ZCCHC17: variants seen among roughly 807,000 people sequenced by gnomAD.
ZCCHC17 encodes zinc finger CCHC-type containing 17, also known as zinc finger CCHC domain-containing protein 17.
ZCCHC17 carries 18 observed loss-of-function variants against 30.6 expected under a neutral mutation model. That is an observed-to-expected ratio of 0.59 (90% confidence interval 0.41 to 0.87). The LOEUF is 0.87. Ranked by LOEUF, ZCCHC17 falls within the 40% of genes least tolerant of loss-of-function variation. The probability of loss-of-function intolerance (pLI) is 0.00; values close to 1 mark genes in which losing one functional copy is unlikely to be tolerated. For synonymous variants in ZCCHC17, 88 were observed against 92.4 expected, an observed-to-expected ratio of 0.95 and a Z score of 0.27; for missense variants, 263 against 284.2, an observed-to-expected ratio of 0.93 and a Z score of 0.54.
rs1640068148 is a variant in ZCCHC17, at chr1:31,364,763, A to G, written c.*570A>G. The G allele has an allele frequency of 6.5e-6, 1 of 153,270 alleles. No individual in the cohort carries two copies. The highest frequency in any genetic ancestry group is 2.1e-4 in the South Asian group (1 of 4,868). The allele number at this position is 153,270 out of a possible 1,614,324, so 9.5% of individuals were successfully genotyped here. A position where few individuals can be genotyped will look rare whatever the true frequency, so the allele number is the denominator to read the frequency against. ...TGGCATCCAGCGGCCACAGCTAGAA[A>G]ACAGTCTGCAGTGTGACTTAACTTG... On this transcript the variant is annotated 3_prime_UTR_variant, in exon 8 of 8. Transcript: ENST00000344147.
chr1:31,314,192 G>A (rs1646675601), intron 2 of ZCCHC17, among the ~76,000 whole-genome samples: 1 of 152,116 alleles, frequency 6.6e-6, no homozygotes, highest in Admixed American at 6.6e-5. Context: ...ATGAGATGGA[G>A]CTTGAATTAG....
intron 2 of ZCCHC17, among the ~76,000 whole-genome samples, chr1:31,313,085 T>C (rs1646645602): frequency 6.8e-6 from 1 of 146,156 alleles, no homozygotes; most frequent in African/African-American, 2.5e-5. Context: ...TTTTTTTTTT[T>C]TTTCTTTTTT....
intron 7 of ZCCHC17, among the ~76,000 whole-genome samples, chr1:31,360,882 G>A (rs1277363284): frequency 6.6e-6 from 1 of 152,142 alleles, no homozygotes; most frequent in Admixed American, 6.5e-5. Context: ...GACTATTATT[G>A]TAAGATAAGG....
chr1:31,307,312 C>G (rs1016245229), intron 1 of ZCCHC17, among the ~76,000 whole-genome samples: 3 of 151,958 alleles, frequency 2.0e-5, no homozygotes, highest in Non-Finnish European at 4.4e-5. Context: ...GGCCACTGTT[C>G]TACAAGAGGT....
At chr1:31,314,903 G>A (rs1487098181) in intron 2 of ZCCHC17, among the ~76,000 whole-genome samples, 1 of 152,192 alleles carries the variant, frequency 6.6e-6, no homozygotes, top group East Asian at 1.9e-4. Context: ...CTGACCTCAA[G>A]TGATCCATCT....
chr1:31,362,737 A>G (rs969206684), intron 7 of ZCCHC17, among the ~76,000 whole-genome samples: 1 of 152,208 alleles, frequency 6.6e-6, no homozygotes, highest in Non-Finnish European at 1.5e-5. Flanking sequence ...TTTTACTCCT[A>G]TTCTTTGACC....
chr1:31,339,960 CTTTTTTTTT>C (rs36008834), intron 5 of ZCCHC17, among the ~76,000 whole-genome samples: 1,889 of 90,500 alleles, frequency 0.021, 152 homozygotes, highest in Admixed American at 0.2. Flanking sequence ...TCTTGGATTT[CTTTTTTTTT>C]TTTTTTTTTT....
intron 5 of ZCCHC17, among the ~76,000 whole-genome samples, chr1:31,340,742 T>C (rs571097586): frequency 2.0e-5 from 3 of 152,366 alleles, no homozygotes; most frequent in East Asian, 1.9e-4. Context: ...GTTTGTCTTA[T>C]GTTAATTAGG....
chr1:31,298,741 A>C (rs1646234922), intron 1 of ZCCHC17, among the ~76,000 whole-genome samples: 1 of 152,216 alleles, frequency 6.6e-6, no homozygotes, highest in East Asian at 1.9e-4. Context: ...ATGACATCCA[A>C]GAGGCAGTTT....
At chr1:31,325,067 G>A (rs1388176545) in intron 3 of ZCCHC17, among the ~76,000 whole-genome samples, 4 of 152,176 alleles carry the variant, frequency 2.6e-5, no homozygotes, top group African/African-American at 9.6e-5. Flanking sequence ...ACTTGCCTGT[G>A]GAAATGGGTT....
intron 7 of ZCCHC17, among the ~76,000 whole-genome samples, chr1:31,349,621 C>A (rs963308017): frequency 6.6e-6 from 1 of 152,168 alleles, no homozygotes; most frequent in East Asian, 1.9e-4. Context: ...GCATGAGCCA[C>A]GACACCCGTC....
intron 1 of ZCCHC17, among the ~76,000 whole-genome samples, chr1:31,303,117 C>G (rs564557291): frequency 1.0e-4 from 15 of 146,868 alleles, no homozygotes; most frequent in African/African-American, 3.3e-4. Context: ...TCTCTACCCC[C>G]CCTCAAAAAA....
Position 31,319,166 on chromosome 1 carries a change from G to A in ZCCHC17, c.124G>A (p.Gly42Ser). ...CAAAATCCCAGGCTGTCGGAAGCAA[G>A]GTAGGAGTTTATAACTTGAAATTCA... ...FIKIPGCRKQ[G>S]LVHRTHMSSC... The change falls in exon 3 of 8, where the codon GGT (glycine) becomes AGT (serine). Residue 42 changes from glycine (G) to serine (S), a missense_variant and splice_region_variant. Transcript: ENST00000344147. The A allele has an allele frequency of 6.2e-7, 1 of 1,609,642 alleles. No homozygotes were observed. The highest frequency in any genetic ancestry group is 8.5e-7 in the Non-Finnish European group (1 of 1,176,666).
intron 5 of ZCCHC17, among the ~76,000 whole-genome samples, chr1:31,345,933 G>T (rs1241637358): frequency 1.3e-5 from 2 of 152,228 alleles, no homozygotes. Flanking sequence ...ATTTTTGTGT[G>T]TGGGGGAACA....
intron 1 of ZCCHC17, among the ~76,000 whole-genome samples, chr1:31,297,942 T>A (rs1180819634): frequency 4.6e-5 from 7 of 152,238 alleles, no homozygotes; most frequent in African/African-American, 1.4e-4. Flanking sequence ...CTGTACGTGA[T>A]AGCGGTCAGA....
chr1:31,314,725 G>A lies in ZCCHC17; in HGVS notation c.67-4384G>A, dbSNP rs1569780903. 2.6e-5 allele frequency among the ~76,000 whole-genome samples: 4 copies of A among 151,952 alleles called. No homozygotes were observed. The East Asian group carries it at 5.8e-4, about 22-fold the overall frequency. On this transcript the variant is annotated intron_variant, in intron 2 of 7. Coordinates refer to ENST00000344147, the MANE Select transcript of ZCCHC17 (RefSeq NM_016505.4). ...ATGAGAATTCTTTTTTTTTTAAGAT[G>A]GAGTCTTCCTCTGTCGCTCAGGCTG...
chr1:31,344,148 C>G (rs1416819562), intron 5 of ZCCHC17, among the ~76,000 whole-genome samples: 1 of 151,820 alleles, frequency 6.6e-6, no homozygotes, highest in East Asian at 1.9e-4. Flanking sequence ...AGCCACCATG[C>G]CTGGCCTAAT....
In ZCCHC17 at chr1:31,363,262, C is replaced by T. The variant is rs142437935; in HGVS notation, c.565-770C>T. On this transcript the variant is annotated intron_variant, in intron 7 of 7. Coordinates refer to ENST00000344147, the MANE Select transcript of ZCCHC17 (RefSeq NM_016505.4). ...GCAGTGGCACAATCTTAGCTCACTGCAAGCTCCGCCTCCTGGGTTCACACC... is the reference window on the plus strand; with the variant it reads ...GCAGTGGCACAATCTTAGCTCACTGTAAGCTCCGCCTCCTGGGTTCACACC... Among the ~76,000 whole-genome samples, 716 of 151,296 alleles carry T rather than the reference C, an allele frequency of 4.7e-3. 10 individuals carry two copies. The highest frequency in any genetic ancestry group is 0.016 in the African/African-American group (665 of 41,116).
At chr1:31,357,934 T>C (rs948704617) in intron 7 of ZCCHC17, among the ~76,000 whole-genome samples, 1 of 152,224 alleles carries the variant, frequency 6.6e-6, no homozygotes, top group African/African-American at 2.4e-5. Flanking sequence ...TTTCTATTTT[T>C]AGTAGAGACG....
Sources: gnomAD v4.1 joint callset for allele counts (sites outside exome capture counted in the v4.1 genomes callset) on GRCh38, gnomAD v4.1.1 for gene constraint, MANE v1.5 for transcripts, NCBI Gene and HGNC (gene_info 2026-07-23, HGNC 2026-07-21) for gene names.